Variants in PIBF1 observed in about 807,000 individuals in gnomAD.
PIBF1 encodes progesterone-induced-blocking factor 1.
In PIBF1, 90 loss-of-function variants were observed where a neutral mutation model predicts 112.5. The observed-to-expected ratio is 0.80, with a 90% CI of 0.67 to 0.95. PIBF1 has a LOEUF of 0.95. Among genes scored for constraint, PIBF1 ranks in the 40% least tolerant of loss-of-function variants. The pLI is 0.00. For missense variants in PIBF1, 915 were observed against 852.3 expected, an observed-to-expected ratio of 1.07 and a Z score of -0.92; for synonymous variants, 301 against 288.6, an observed-to-expected ratio of 1.04 and a Z score of -0.44.
At chr13:72,937,172 G>A (rs1484729451) in intron 14 of PIBF1, among the ~76,000 whole-genome samples, 2 of 151,978 alleles carry the variant, frequency 1.3e-5, no homozygotes, top group Non-Finnish European at 2.9e-5. Context: ...TATTGATATG[G>A]TTATGTTCAA....
chr13:72,956,449 G>T (rs1014034821), intron 14 of PIBF1, among the ~76,000 whole-genome samples: 5 of 152,058 alleles, frequency 3.3e-5, no homozygotes, highest in African/African-American at 1.2e-4. Flanking sequence ...CCCTATCTTT[G>T]TGCTTAATTT....
chr13:72,998,860 T>C lies in PIBF1; in HGVS notation c.2088T>C (p.His696=). ...TGAAACAGATTCTCGTTAAGATGCATAGTAAACATTCTGAGAACAGCTTAC... is the reference window on the plus strand; with the variant it reads ...TGAAACAGATTCTCGTTAAGATGCACAGTAAACATTCTGAGAACAGCTTAC... ...AAMKQILVKM[H]SKHSENSLLL... is the part of the protein sequence containing the mutation. Residue 696 remains histidine (H), a synonymous_variant, in exon 17 of 18, where the codon CAT becomes CAC. Coordinates refer to ENST00000326291, the MANE Select transcript of PIBF1 (RefSeq NM_006346.4). 1 of 1,612,212 alleles carries C rather than the reference T, an allele frequency of 6.2e-7. No homozygotes were observed. Among genetic ancestry groups the C allele is most frequent in the Non-Finnish European group, 8.5e-7 (1 of 1,178,922 alleles).
At chr13:72,792,353 G>A (rs1328330963) in intron 2 of PIBF1, 94 bp from the exon 3 acceptor site, 1 of 783,544 alleles carries the variant, frequency 1.3e-6, no homozygotes, top group Non-Finnish European at 2.1e-6. Flanking sequence ...TTTTTAGCCT[G>A]TTTCTTTCAA....
At chr13:72,813,115 T>C (rs79958876) in intron 5 of PIBF1, among the ~76,000 whole-genome samples, 16,771 of 152,190 alleles carry the variant, frequency 0.11, 1,271 homozygotes, top group Non-Finnish European at 0.17. Context: ...GTTGTCACAC[T>C]ACTGAGCATA....
At chr13:72,941,173 T>G (rs1015185566) in intron 14 of PIBF1, among the ~76,000 whole-genome samples, 7 of 152,196 alleles carry the variant, frequency 4.6e-5, no homozygotes, top group African/African-American at 1.2e-4. Context: ...GGGATCTCCT[T>G]CATTGCATGA....
intron 11 of PIBF1, among the ~76,000 whole-genome samples, chr13:72,895,127 A>T (rs1458466195): frequency 1.3e-5 from 2 of 151,998 alleles, no homozygotes; most frequent in Admixed American, 6.6e-5. Context: ...CATCAAAAAA[A>T]TTTTTTAAAG....
chr13:72,865,418 C>T (rs1221744347), intron 10 of PIBF1, among the ~76,000 whole-genome samples: 1 of 152,096 alleles, frequency 6.6e-6, no homozygotes, highest in Non-Finnish European at 1.5e-5. Flanking sequence ...TACATAGTTG[C>T]CAGCTCTGAA....
chr13:72,841,910 TGAA>T (rs796908080), intron 9 of PIBF1, among the ~76,000 whole-genome samples: 25 of 152,322 alleles, frequency 1.6e-4, no homozygotes, highest in African/African-American at 5.8e-4. Context: ...GTAGAATACT[TGAA>T]GAAAATATTT....
intron 17 of PIBF1, 74 bp from the exon 18 acceptor site, chr13:73,015,795 A>G: frequency 3.9e-6 from 3 of 778,966 alleles, no homozygotes; most frequent in East Asian, 2.8e-5. Flanking sequence ...CTCAATGTAT[A>G]TAGTTCTCTG....
intron 14 of PIBF1, among the ~76,000 whole-genome samples, chr13:72,958,816 A>T (rs994982129): frequency 5.3e-5 from 8 of 152,238 alleles, no homozygotes; most frequent in Admixed American, 2.0e-4. Flanking sequence ...TTCAAGACGT[A>T]AAATGATTTA....
At chr13:72,799,313 A>G (rs1043358391) in intron 5 of PIBF1, among the ~76,000 whole-genome samples, 1 of 152,168 alleles carries the variant, frequency 6.6e-6, no homozygotes, top group African/African-American at 2.4e-5. Flanking sequence ...TTATAATTTA[A>G]TTTGTATTTT....
rs149962243 is a variant in PIBF1 at position 72,920,949 on chromosome 13, T to C, written c.1730+3783T>C. 4.5e-3 allele frequency among the ~76,000 whole-genome samples: 685 copies of C among 152,332 alleles called. 7 individuals carry two copies. Among genetic ancestry groups the C allele is most frequent in the African/African-American group, 0.015 (639 of 41,580 alleles). On this transcript the variant is annotated intron_variant, in intron 13 of 17. Transcript: ENST00000326291. ...TATATTAAAGTTTCAAAGGAACCTA[T>C]TTTCCAACTACTACACAATAGATTC...
At chr13:72,962,573 G>A (rs1324513394) in intron 14 of PIBF1, among the ~76,000 whole-genome samples, 4 of 150,520 alleles carry the variant, frequency 2.7e-5, no homozygotes, top group Non-Finnish European at 4.4e-5. Context: ...CTCCAGACTA[G>A]GTGACAGAGT....
intron 8 of PIBF1, among the ~76,000 whole-genome samples, chr13:72,832,392 A>C (rs1310591349): frequency 4.6e-5 from 7 of 152,040 alleles, no homozygotes; most frequent in Non-Finnish European, 8.8e-5. Flanking sequence ...ATGTTTTTGC[A>C]GTGGCTGGTA....
intron 10 of PIBF1, among the ~76,000 whole-genome samples, chr13:72,861,450 TAAG>T (rs1439111079): frequency 6.6e-6 from 1 of 152,158 alleles, no homozygotes; most frequent in Non-Finnish European, 1.5e-5. Flanking sequence ...AAGGCCAAAA[TAAG>T]AAGGCATGGG....
intron 9 of PIBF1, among the ~76,000 whole-genome samples, chr13:72,836,974 A>T (rs1233242791): frequency 6.6e-6 from 1 of 152,086 alleles, no homozygotes; most frequent in Non-Finnish European, 1.5e-5. Context: ...CTTTGTGATT[A>T]TACTCTTCTG....
At chr13:72,937,466 G>A (rs898332651) in intron 14 of PIBF1, among the ~76,000 whole-genome samples, 2 of 151,958 alleles carry the variant, frequency 1.3e-5, no homozygotes, top group Admixed American at 6.6e-5. Context: ...TCTTGTTGTC[G>A]TACATTTTAT....
intron 15 of PIBF1, among the ~76,000 whole-genome samples, chr13:72,966,734 C>A (rs1346928466): frequency 2.6e-5 from 4 of 151,942 alleles, no homozygotes; most frequent in African/African-American, 9.7e-5. Flanking sequence ...CATAGTGAAA[C>A]CCTGTCTCGA....
At chr13:72,844,835 T>C (rs1443100017) in intron 9 of PIBF1, among the ~76,000 whole-genome samples, 8 of 138,988 alleles carry the variant, frequency 5.8e-5, no homozygotes, top group Non-Finnish European at 1.1e-4. Context: ...AGGCTGGGTC[T>C]TGAACTCCTG....
Sources: allele counts gnomAD v4.1 joint callset (sites outside exome capture counted in the v4.1 genomes callset), GRCh38; gene constraint gnomAD v4.1.1; transcripts MANE v1.5; gene names NCBI Gene and HGNC (gene_info 2026-07-23, HGNC 2026-07-21).